The following POP4 variants were observed in gnomAD, a reference collection of about 807,000 sequenced individuals.
The protein encoded by POP4 is POP4 ribonuclease P/MRP subunit.
A neutral mutation model predicts 29.9 loss-of-function variants in POP4; 31 were observed. That is an observed-to-expected ratio of 1.04 (90% confidence interval 0.78 to 1.40). POP4 has a LOEUF of 1.40. Ranked by LOEUF, POP4 falls within the 40% of genes most tolerant of loss-of-function variation. The probability of loss-of-function intolerance (pLI) is 0.00; values close to 1 mark genes in which losing one functional copy is unlikely to be tolerated. For synonymous variants in POP4, 110 were observed against 108.2 expected, an observed-to-expected ratio of 1.02 and a Z score of -0.10; for missense variants, 286 against 282.7, an observed-to-expected ratio of 1.01 and a Z score of -0.08.
intron 2 of POP4, 39 bp from the exon 3 acceptor site, chr19:29,610,370 C>A: frequency 6.6e-7 from 1 of 1,512,176 alleles, no homozygotes; most frequent in Non-Finnish European, 8.9e-7. Flanking sequence ...GCTGCCCAGA[C>A]CGGAGCAGTG....
Position 29,615,422 on chromosome 19 carries a change from CTG to C in POP4, c.*43_*44del. 1 of 1,598,166 alleles carries C rather than the reference CTG, an allele frequency of 6.3e-7. No homozygotes were observed. Among genetic ancestry groups the C allele is most frequent in the South Asian group, 1.1e-5 (1 of 89,654 alleles). On this transcript the variant is annotated 3_prime_UTR_variant, in exon 7 of 7. Coordinates refer to ENST00000585603, the MANE Select transcript of POP4 (RefSeq NM_006627.3). ...GGCAGTTGTTTATGACAGCTGAAAACTGGACACTCCCTAAATGTCCACCTTTC... is the reference window on the plus strand; with the variant it reads ...GGCAGTTGTTTATGACAGCTGAAAACGACACTCCCTAAATGTCCACCTTTC...
intron 1 of POP4, among the ~76,000 whole-genome samples, chr19:29,607,588 A>T (rs868813115): frequency 6.6e-6 from 1 of 152,268 alleles, no homozygotes; most frequent in Non-Finnish European, 1.5e-5. Flanking sequence ...CTCATAAACC[A>T]GGCCTTAGTA....
At position 29,615,587 on chromosome 19, in the gene POP4, TAGG is replaced by T; in HGVS notation, c.*210_*212del. The T allele has an allele frequency of 2.1e-6, 1 of 478,630 alleles. No individual in the cohort carries two copies. The highest frequency in any genetic ancestry group is 3.8e-5 in the Admixed American group (1 of 26,540). 29.6% of individuals were successfully genotyped at this position (478,630 alleles called of 1,614,324 possible). On this transcript the variant is annotated 3_prime_UTR_variant, in exon 7 of 7. Transcript: ENST00000585603. ...CAGAGGACAGAGGAATTTCTCTTTCTAGGAGATTTTCATTTTGTGTGACTCCCA... is the reference window on the plus strand; with the variant it reads ...CAGAGGACAGAGGAATTTCTCTTTCTAGATTTTCATTTTGTGTGACTCCCA...
intron 1 of POP4, 178 bp downstream of exon 1, chr19:29,606,503 G>C (rs1178725235): frequency 1.5e-6 from 1 of 656,448 alleles, no homozygotes; most frequent in Admixed American, 3.9e-5. Context: ...AGCCTGGCTC[G>C]ACCTCTGAGC....
intron 2 of POP4, 104 bp from the exon 3 acceptor site, chr19:29,610,305 C>G: frequency 9.5e-7 from 1 of 1,049,302 alleles, no homozygotes; most frequent in Non-Finnish European, 1.4e-6. Flanking sequence ...GGATGGGCCC[C>G]ATTTGCTCTT....
intron 1 of POP4, among the ~76,000 whole-genome samples, chr19:29,607,948 A>G (rs570764244): frequency 6.6e-6 from 1 of 152,342 alleles, no homozygotes; most frequent in East Asian, 1.9e-4. Context: ...ATTTTAAACC[A>G]ATGCAACTCA....
chr19:29,615,112 G>T, intron 6 of POP4, 132 bp from the exon 7 acceptor site: 1 of 1,115,414 alleles, frequency 9.0e-7, no homozygotes, highest in South Asian at 1.9e-5. Context: ...CTCCCCTTGT[G>T]GGTTTCCCGT....
At chr19:29,615,205 C>T in intron 6 of POP4, 39 bp from the exon 7 acceptor site, 1 of 1,495,870 alleles carries the variant, frequency 6.7e-7, no homozygotes, top group Non-Finnish European at 8.9e-7. Flanking sequence ...TATTTTTCCT[C>T]ATCTTTTTTT....
At chr19:29,612,237 T>A in intron 5 of POP4, 59 bp downstream of exon 5, 1 of 1,492,552 alleles carries the variant, frequency 6.7e-7, no homozygotes. Context: ...TGTCACTCTG[T>A]GGAGACCCAG....
chr19:29,615,966 T>C lies in POP4; in HGVS notation c.*586T>C, dbSNP rs45590931. 15,692 of 152,448 alleles carry C rather than the reference T, an allele frequency of 0.1. 886 individuals are homozygous for C. Among genetic ancestry groups the C allele is most frequent in the East Asian group, 0.16 (845 of 5,158 alleles). The allele number at this position is 152,448 out of a possible 1,614,324, so 9.4% of individuals were successfully genotyped here. A position where few individuals can be genotyped will look rare whatever the true frequency, so the allele number is the denominator to read the frequency against. On this transcript the variant is annotated 3_prime_UTR_variant, in exon 7 of 7. Transcript: ENST00000585603. ...GTGAGTTGCTAAGTGACTTAGGGTT[T>C]ATTCACTTCAGGAATCATAGCTGGG...
intron 5 of POP4, among the ~76,000 whole-genome samples, chr19:29,612,507 G>A (rs1048049312): frequency 2.6e-5 from 4 of 152,130 alleles, no homozygotes; most frequent in Non-Finnish European, 5.9e-5. Context: ...TTCATCCAAT[G>A]CTGTGGTTTC....
At chr19:29,614,641 T>C (rs1971110476) in intron 6 of POP4, among the ~76,000 whole-genome samples, 1 of 151,938 alleles carries the variant, frequency 6.6e-6, no homozygotes, top group Non-Finnish European at 1.5e-5. Flanking sequence ...GTAGCTGGGA[T>C]TACAGGCACG....
chr19:29,607,476 A>G (rs925800730), intron 1 of POP4, among the ~76,000 whole-genome samples: 3 of 152,152 alleles, frequency 2.0e-5, no homozygotes, highest in African/African-American at 7.2e-5. Flanking sequence ...ACAAAAAAAA[A>G]AAACTTGTAA....
In POP4 at chr19:29,616,810, T is replaced by G. The variant is rs1449788659; in HGVS notation, c.*1430T>G. ...TGAACACACGCACGGGCTAGGCACATGGAGCCCAAGCACACTGCCACCTCG... is the reference window on the plus strand; with the variant it reads ...TGAACACACGCACGGGCTAGGCACAGGGAGCCCAAGCACACTGCCACCTCG... On this transcript the variant is annotated 3_prime_UTR_variant, in exon 7 of 7. Transcript: ENST00000585603. The G allele has an allele frequency of 1.3e-5, 2 of 152,440 alleles. No homozygotes were observed. The highest frequency in any genetic ancestry group is 6.5e-5 in the Admixed American group (1 of 15,310). The allele number at this position is 152,440 out of a possible 1,614,324, so 9.4% of individuals were successfully genotyped here.
chr19:29,613,559 GT>G (rs1568295513), intron 5 of POP4, among the ~76,000 whole-genome samples: 1 of 152,242 alleles, frequency 6.6e-6, no homozygotes, highest in East Asian at 1.9e-4. Context: ...CAGCCAGCCC[GT>G]GGGCCCTGAT....
At chr19:29,612,231 A>G in intron 5 of POP4, 53 bp downstream of exon 5, 2 of 1,516,954 alleles carry the variant, frequency 1.3e-6, no homozygotes, top group Non-Finnish European at 1.8e-6. Flanking sequence ...TCACTCTGTC[A>G]CTCTGTGGAG....
chr19:29,606,544 T>C, intron 1 of POP4: 1 of 508,674 alleles, frequency 2.0e-6, no homozygotes, highest in South Asian at 3.6e-5. Flanking sequence ...GGAGGCAGGT[T>C]CTCCCGGAGG....
rs1971000128 is a variant in POP4, at chr19:29,606,550, G to A, written c.7+225G>A. The A allele has an allele frequency of 1.2e-5, 6 of 501,256 alleles. 1 individual carries two copies. The South Asian group carries it at 1.8e-4, about 15-fold the overall frequency. 31.1% of individuals were successfully genotyped at this position (501,256 alleles called of 1,614,324 possible). A position where few individuals can be genotyped will look rare whatever the true frequency, so the allele number is the denominator to read the frequency against. On this transcript the variant is annotated intron_variant, in intron 1 of 6. Transcript: ENST00000585603. Reference sequence around the variant, plus strand: ...GTCAGGGCTGGAGGCAGGTTCTCCCGGAGGCTGCTCAGTGGTGTGCGATGC... The same window carrying A: ...GTCAGGGCTGGAGGCAGGTTCTCCCAGAGGCTGCTCAGTGGTGTGCGATGC...
At chr19:29,610,694 G>C in intron 3 of POP4, 62 bp downstream of exon 3, 1 of 1,527,108 alleles carries the variant, frequency 6.5e-7, no homozygotes. Context: ...GTGTGAACTT[G>C]GCTGAGTGGC....
Sources: gnomAD v4.1 joint callset for allele counts (sites outside exome capture counted in the v4.1 genomes callset) on GRCh38, gnomAD v4.1.1 for gene constraint, MANE v1.5 for transcripts, NCBI Gene and HGNC (gene_info 2026-07-23, HGNC 2026-07-21) for gene names.